The following COL3A1 variants were observed in gnomAD, a reference collection of about 807,000 sequenced individuals.
COL3A1 encodes the protein collagen alpha-1(III) chain.
A neutral mutation model predicts 200.9 loss-of-function variants in COL3A1; 46 were observed. The ratio of observed to expected loss-of-function variants is 0.23; its 90% confidence interval spans 0.18 to 0.29. COL3A1 has a LOEUF of 0.29. Among genes scored for constraint, COL3A1 ranks in the 10% least tolerant of loss-of-function variants. The pLI is 1.00. For synonymous variants in COL3A1, 650 were observed against 628.0 expected (o/e 1.03, Z -0.52); for missense variants, 1,367 against 1,917.6 (o/e 0.71, Z 5.36).
Position 189,011,869 on chromosome 2 carries a change from ATTCCAGTTATTTAT to A in COL3A1, c.*101_*114del. On this transcript the variant is annotated 3_prime_UTR_variant, in exon 51 of 51. Coordinates refer to ENST00000304636, the MANE Select transcript of COL3A1 (RefSeq NM_000090.4). ...TCAACCAGTGCAAGTGACCGACAAAATTCCAGTTATTTATTTCCAAAATGTTTGGAAACAGTATA... is the reference window on the plus strand; with the variant it reads ...TCAACCAGTGCAAGTGACCGACAAAATTCCAAAATGTTTGGAAACAGTATA... 7 of 1,361,074 alleles carry A rather than the reference ATTCCAGTTATTTAT, an allele frequency of 5.1e-6. No individual in the cohort carries two copies. The highest frequency in any genetic ancestry group is 7.3e-6 in the Non-Finnish European group (7 of 961,414). The allele number at this position is 1,361,074 out of a possible 1,614,324, so 84.3% of individuals were successfully genotyped here.
chr2:188,999,985 C>A, intron 32 of COL3A1, 90 bp downstream of exon 32: 1 of 1,311,690 alleles, frequency 7.6e-7, no homozygotes, highest in Non-Finnish European at 1.1e-6. Context: ...CCAAAAACTA[C>A]TCAAGAGAAA....
chr2:188,998,904 T>C (rs942916675), intron 29 of COL3A1, among the ~76,000 whole-genome samples, 186 bp downstream of exon 29: 4 of 152,214 alleles, frequency 2.6e-5, no homozygotes, highest in East Asian at 1.9e-4. Flanking sequence ...ATCTGGAAGG[T>C]CCAATTCTCT....
At position 189,004,156 on chromosome 2, in the gene COL3A1, A is replaced by AT. The variant is rs1553509197; in HGVS notation, c.2823+20dup. 1 of 1,613,820 alleles carries AT rather than the reference A, an allele frequency of 6.2e-7. No homozygotes were observed. Among genetic ancestry groups the AT allele is most frequent in the Non-Finnish European group, 8.5e-7 (1 of 1,179,934 alleles). On this transcript the variant is annotated intron_variant, in intron 39 of 50. Coordinates refer to ENST00000304636, the MANE Select transcript of COL3A1 (RefSeq NM_000090.4). ...CCAGGGCCCACCAGTAAGTAACTTCATTTTTTTAAATTGATTCTACTATTT... is the reference window on the plus strand; with the variant it reads ...CCAGGGCCCACCAGTAAGTAACTTCATTTTTTTTAAATTGATTCTACTATTT...
intron 1 of COL3A1, among the ~76,000 whole-genome samples, chr2:188,977,784 A>T (rs894330484): frequency 9.9e-5 from 15 of 152,134 alleles, no homozygotes; most frequent in African/African-American, 3.6e-4. Flanking sequence ...AAAAAATTAT[A>T]TATCGTCCTA....
In COL3A1 at chr2:188,995,740, G is replaced by A. The variant is rs1410374684; in HGVS notation, c.1558G>A (p.Ala520Thr). The change falls in exon 22 of 51, where the codon GCT (alanine) becomes ACT (threonine). Residue 520 changes from alanine to threonine, a missense_variant. Ala to Thr is a moderately conservative substitution (Grantham distance 58). Transcript: ENST00000304636. ...GAPGPAGPRG[A>T]AGEPGRDGVP... ...TCCAGGCCCTGCAGGGCCCAGAGGA[G>A]CTGCTGGAGAACCTGGCAGAGATGG... 1.9e-6 allele frequency: 3 copies of A among 1,568,258 alleles called. No homozygotes were observed. The highest frequency in any genetic ancestry group is 2.6e-6 in the Non-Finnish European group (3 of 1,155,982).
chr2:188,997,417 T>C, intron 26 of COL3A1, 28 bp downstream of exon 26: 1 of 1,605,168 alleles, frequency 6.2e-7, no homozygotes, highest in South Asian at 1.1e-5. Flanking sequence ...AAATTGGAGA[T>C]GAAAATAGGG....
At position 188,989,452 on chromosome 2, in the gene COL3A1, A is replaced by G. The variant is rs1447080385; in HGVS notation, c.690+3A>G. The G allele has an allele frequency of 3.7e-6, 6 of 1,604,718 alleles. No individual in the cohort carries two copies. In the African/African-American group the frequency reaches 6.7e-5, roughly 18 times the overall value. ...CATCTGGTCCTGCTGGAAAAGATGT[A>G]AGTTTTTAAAACTTAAATAAGAATA... is the stretch of plus-strand genomic sequence containing the variant. On this transcript the variant is annotated splice_donor_region_variant and intron_variant, in intron 8 of 50. Transcript: ENST00000304636.
rs1688731044 is a variant in COL3A1 at position 189,011,708 on chromosome 2, A to G, written c.4335A>G (p.Ala1445=). The G allele has an allele frequency of 6.2e-7, 1 of 1,613,926 alleles. No homozygotes were observed. Among genetic ancestry groups the G allele is most frequent in the South Asian group, 1.1e-5 (1 of 91,088 alleles). The change falls in exon 51 of 51, where the codon GCA becomes GCG. Residue 1445 remains alanine, a synonymous_variant. Coordinates refer to ENST00000304636, the MANE Select transcript of COL3A1 (RefSeq NM_000090.4). ...KAVRLPIVDI[A]PYDIGGPDQE... ...TGAGACTACCTATTGTAGATATTGC[A>G]CCCTATGACATTGGTGGTCCTGATC...
Position 188,994,133 on chromosome 2 carries a change from C to CT in COL3A1, c.1194+55dup. The CT allele has an allele frequency of 6.2e-7, 1 of 1,612,738 alleles. No individual in the cohort carries two copies. The highest frequency in any genetic ancestry group is 8.5e-7 in the Non-Finnish European group (1 of 1,178,776). On this transcript the variant is annotated intron_variant, in intron 17 of 50. Transcript: ENST00000304636. The surrounding 1 kb of genome is among the most constrained non-coding windows in gnomAD (Gnocchi z 4.5). ...TATCTCATCCACACATTACTGGCTT[C>CT]TTTTGCATTTTGCATGACAATAGAT...
At chr2:189,006,783 A>G (rs1226701068) in intron 43 of COL3A1, among the ~76,000 whole-genome samples, 154 bp from the exon 44 acceptor site, 1 of 152,196 alleles carries the variant, frequency 6.6e-6, no homozygotes, top group East Asian at 1.9e-4. Flanking sequence ...ACAGGGCTTT[A>G]GCACTTTGAA....
chr2:188,995,934 C>A, intron 22 of COL3A1, 144 bp downstream of exon 22: 2 of 950,150 alleles, frequency 2.1e-6, no homozygotes, highest in Non-Finnish European at 3.2e-6. Context: ...TTTAAGTAAA[C>A]TTAAGCCGAG....
chr2:189,010,509 A>G, intron 49 of COL3A1, 139 bp from the exon 50 acceptor site: 1 of 1,488,710 alleles, frequency 6.7e-7, no homozygotes. Flanking sequence ...ATGCAATAAA[A>G]ATATTTTCAC....
At chr2:188,975,436 T>C (rs959428944) in intron 1 of COL3A1, among the ~76,000 whole-genome samples, 9 of 152,202 alleles carry the variant, frequency 5.9e-5, no homozygotes, top group Non-Finnish European at 1.3e-4. Context: ...TATGTGAAAA[T>C]ATTCTTTTAT....
Position 188,985,794 on chromosome 2 carries a change from T to C in COL3A1, c.447+16T>C. On this transcript the variant is annotated intron_variant, in intron 4 of 50. Coordinates refer to ENST00000304636, the MANE Select transcript of COL3A1 (RefSeq NM_000090.4). Reference sequence around the variant, plus strand: ...TGGTCCTCAGGTATAACAATTACGGTACTTAAAAAATTCCCTCATAAAACT... The same window carrying C: ...TGGTCCTCAGGTATAACAATTACGGCACTTAAAAAATTCCCTCATAAAACT... The C allele has an allele frequency of 1.9e-6, 3 of 1,567,914 alleles. No individual in the cohort carries two copies. The highest frequency in any genetic ancestry group is 1.8e-6 in the Non-Finnish European group (2 of 1,139,352).
intron 14 of COL3A1, among the ~76,000 whole-genome samples, chr2:188,992,565 C>T (rs186774085): frequency 1.3e-5 from 2 of 152,052 alleles, no homozygotes; most frequent in Non-Finnish European, 2.9e-5. Context: ...TAAGACATGG[C>T]ACTTTAAAGA....
In COL3A1 at chr2:188,997,171, C is replaced by T. The variant is rs1229879169; in HGVS notation, c.1768C>T (p.Pro590Ser). The change falls in exon 25 of 51, where the codon CCT becomes TCT. Residue 590 changes from proline to serine, a missense_variant. Pro to Ser is a moderately conservative substitution (Grantham distance 74, BLOSUM62 -1). This residue lies in a region of COL3A1 where 846 missense variants were observed against 1,147.9 expected (regional missense o/e 0.74). Transcript: ENST00000304636. Reference protein sequence around the residue: ...FPGPKGNDGAPGKNGERGGPG... With the variant: ...FPGPKGNDGASGKNGERGGPG... Reference sequence around the variant, plus strand: ...CCGACCACTTCTTCTTTAGGGTGCTCCTGGTAAGAATGGAGAACGAGGTGG... The same window carrying T: ...CCGACCACTTCTTCTTTAGGGTGCTTCTGGTAAGAATGGAGAACGAGGTGG... 3 of 1,613,844 alleles carry T rather than the reference C, an allele frequency of 1.9e-6. No homozygotes were observed. Among genetic ancestry groups the T allele is most frequent in the African/African-American group, 1.3e-5 (1 of 74,916 alleles).
Position 188,987,060 on chromosome 2 carries a change from A to G in COL3A1, c.449A>G (p.Asn150Ser). 6.2e-7 allele frequency: 1 copy of G among 1,612,088 alleles called. No homozygotes were observed. The highest frequency in any genetic ancestry group is 8.5e-7 in the Non-Finnish European group (1 of 1,178,444). Residue 150 changes from asparagine to serine, a missense_variant and splice_region_variant, in exon 5 of 51, where the codon AAC becomes AGC. This residue lies in a region of COL3A1 where 462 missense variants were observed against 681.4 expected (regional missense o/e 0.68). Coordinates refer to ENST00000304636, the MANE Select transcript of COL3A1 (RefSeq NM_000090.4). ...TATCTATTTGTCTCCTTGCCACAGA[A>G]CTATTCTCCCCAGTATGATTCATAT... ...ICESCPTGPQNYSPQYDSYDV... is the reference protein window; with the variant it reads ...ICESCPTGPQSYSPQYDSYDV...
In COL3A1 at chr2:189,012,516, C is replaced by T. The variant is rs187958240; in HGVS notation, c.*742C>T. ...CAGAATTGTTGACTTGCATTCAGAA[C>T]ATAAATGCACAAAATCTGTACATGT... On this transcript the variant is annotated 3_prime_UTR_variant, in exon 51 of 51. Transcript: ENST00000304636. 1 of 152,668 alleles carries T rather than the reference C, an allele frequency of 6.6e-6. No homozygotes were observed. Among genetic ancestry groups the T allele is most frequent in the South Asian group, 2.1e-4 (1 of 4,826 alleles). The allele number at this position is 152,668 out of a possible 1,614,324, so 9.5% of individuals were successfully genotyped here.
At chr2:188,986,492 A>G (rs1039160039) in intron 4 of COL3A1, among the ~76,000 whole-genome samples, 4 of 152,090 alleles carry the variant, frequency 2.6e-5, no homozygotes, top group African/African-American at 9.7e-5. Flanking sequence ...CCTGGAACTT[A>G]GAATTTAAAA....
Sources: gnomAD v4.1 joint callset for allele counts (sites outside exome capture counted in the v4.1 genomes callset) on GRCh38, gnomAD v4.1.1 for gene constraint, gnomAD v4.1.1 regional missense constraint, Gnocchi (gnomAD v3.1) non-coding constraint, MANE v1.5 for transcripts, NCBI Gene and HGNC (gene_info 2026-07-23, HGNC 2026-07-21) for gene names.